TAFA4: variants seen among roughly 807,000 people sequenced by gnomAD.
The protein encoded by TAFA4 is TAFA chemokine like family member 4, also known as chemokine-like protein TAFA-4.
Under a neutral mutation model 21.1 loss-of-function variants are expected in TAFA4, and 20 were observed. The ratio of observed to expected loss-of-function variants is 0.95; its 90% CI spans 0.67 to 1.38. The LOEUF is 1.38. TAFA4 is among the 40% of genes most tolerant of loss of function. The pLI, the probability that TAFA4 is intolerant of heterozygous loss-of-function variation, is 0.00. For synonymous variants in TAFA4, 71 were observed against 67.4 expected (o/e 1.05, Z -0.26); for missense variants, 211 against 180.9 (o/e 1.17, Z -0.95).
In TAFA4 at chr3:68,816,697, A is replaced by T. The variant is rs538348706; in HGVS notation, c.131-63679T>A. On this transcript the variant is annotated intron_variant, in intron 3 of 5. Coordinates refer to ENST00000295569, the MANE Select transcript of TAFA4 (RefSeq NM_182522.5). ...TGACTTGGGTACCTTTTACAGGCGT[A>T]TCTCTGAGATATTGCAAGTTCAGTT... 1.4e-4 allele frequency among the ~76,000 whole-genome samples: 21 copies of T among 152,298 alleles called. No homozygotes were observed. In the East Asian group the frequency reaches 4.1e-3, roughly 29 times the overall value.
intron 3 of TAFA4, among the ~76,000 whole-genome samples, chr3:68,830,144 G>A (rs1388348044): frequency 1.3e-5 from 2 of 151,916 alleles, no homozygotes; most frequent in Non-Finnish European, 2.9e-5. Flanking sequence ...ACCAGCTCCT[G>A]GATTCATTGA....
intron 3 of TAFA4, among the ~76,000 whole-genome samples, chr3:68,807,124 C>A (rs7621862): frequency 0.2 from 30,949 of 152,174 alleles, 4,024 homozygotes; most frequent in East Asian, 0.61. Context: ...TTTGCCTCAG[C>A]TGATCGGTCT....
At chr3:68,796,012 C>T (rs1380498953) in intron 3 of TAFA4, among the ~76,000 whole-genome samples, 1 of 152,064 alleles carries the variant, frequency 6.6e-6, no homozygotes, top group African/African-American at 2.4e-5. Context: ...CTCTGGATTA[C>T]CAAGCAGAGA....
At chr3:68,817,485 G>T (rs867127174) in intron 3 of TAFA4, among the ~76,000 whole-genome samples, 10 of 152,034 alleles carry the variant, frequency 6.6e-5, no homozygotes, top group Admixed American at 1.3e-4. Context: ...TGTTCTTAGT[G>T]GTATCTAGAA....
chr3:68,739,874 G>A (rs1362292515), intron 4 of TAFA4, among the ~76,000 whole-genome samples: 2 of 152,208 alleles, frequency 1.3e-5, no homozygotes, highest in African/African-American at 4.8e-5. Context: ...AGACTTGGAA[G>A]GGTGGGAAGG....
chr3:68,868,826 T>A (rs6549155), intron 3 of TAFA4, among the ~76,000 whole-genome samples: 2 of 151,902 alleles, frequency 1.3e-5, no homozygotes, highest in Admixed American at 6.6e-5. Context: ...TACATCTCAG[T>A]AAACTAGAAG....
intron 1 of TAFA4, among the ~76,000 whole-genome samples, chr3:68,896,448 C>G (rs141276790): frequency 2.0e-5 from 3 of 152,066 alleles, no homozygotes; most frequent in Non-Finnish European, 2.9e-5. Context: ...AAAGTAGCAC[C>G]GAGCACACAA....
At chr3:68,784,072 C>CA (rs1226437516) in intron 3 of TAFA4, among the ~76,000 whole-genome samples, 1 of 152,186 alleles carries the variant, frequency 6.6e-6, no homozygotes, top group Admixed American at 6.5e-5. Context: ...CAAAGGGTCA[C>CA]ACGTTAACAG....
rs578243391 is a variant in TAFA4, at chr3:68,840,079, A to G, written c.130+40651T>C. 5.9e-5 allele frequency among the ~76,000 whole-genome samples: 9 copies of G among 152,292 alleles called. No homozygotes were observed. In the East Asian group the frequency reaches 1.5e-3, roughly 26 times the overall value. Reference sequence around the variant, plus strand: ...TCCAAAGAGATGCCTTTGTTCCCTCAGGCTAAAGTCACCAGAAAAGATGGA... The same window carrying G: ...TCCAAAGAGATGCCTTTGTTCCCTCGGGCTAAAGTCACCAGAAAAGATGGA... On this transcript the variant is annotated intron_variant, in intron 3 of 5. Transcript: ENST00000295569.
intron 3 of TAFA4, among the ~76,000 whole-genome samples, chr3:68,760,374 A>C (rs1702738495): frequency 6.6e-6 from 1 of 152,216 alleles, no homozygotes; most frequent in Admixed American, 6.5e-5. Flanking sequence ...ATACAAAACC[A>C]CATCTGCAAT....
intron 4 of TAFA4, among the ~76,000 whole-genome samples, chr3:68,744,182 T>A (rs1675845489): frequency 6.6e-6 from 1 of 152,146 alleles, no homozygotes; most frequent in Admixed American, 6.5e-5. Context: ...CATGAAAGAT[T>A]CAAAAGCAGT....
chr3:68,826,387 C>T (rs2106870979), intron 3 of TAFA4, among the ~76,000 whole-genome samples: 1 of 152,210 alleles, frequency 6.6e-6, no homozygotes, highest in East Asian at 1.9e-4. Flanking sequence ...TCCTGGCTAA[C>T]ACGGTGAAAT....
chr3:68,842,118 C>T (rs1329885653), intron 3 of TAFA4, among the ~76,000 whole-genome samples: 1 of 152,162 alleles, frequency 6.6e-6, no homozygotes, highest in Non-Finnish European at 1.5e-5. Context: ...TGAGGAATTG[C>T]CACACTGTCT....
intron 3 of TAFA4, among the ~76,000 whole-genome samples, chr3:68,790,196 C>G (rs935631290): frequency 1.3e-5 from 2 of 151,584 alleles, no homozygotes; most frequent in Non-Finnish European, 2.9e-5. Flanking sequence ...CTACGTTTTG[C>G]TAAGTGTCAA....
At chr3:68,755,696 C>G (rs936820836) in intron 3 of TAFA4, among the ~76,000 whole-genome samples, 6 of 152,184 alleles carry the variant, frequency 3.9e-5, no homozygotes, top group African/African-American at 1.4e-4. Flanking sequence ...CAGGGGAAAC[C>G]CTGGCATGAG....
In TAFA4 at chr3:68,885,280, C is replaced by A; in HGVS notation, c.-92G>T. The A allele has an allele frequency of 3.1e-6, 4 of 1,289,654 alleles. No homozygotes were observed. Among genetic ancestry groups the A allele is most frequent in the South Asian group, 1.4e-5 (1 of 72,002 alleles). 79.9% of individuals were successfully genotyped at this position (1,289,654 alleles called of 1,614,324 possible). A position where few individuals can be genotyped will look rare whatever the true frequency, so the allele number is the denominator to read the frequency against. ...TGTTGCTAGAACCAATCATTTCTGC[C>A]GTTCCAAAAAATTATCGTAGCTCAG... On this transcript the variant is annotated 5_prime_UTR_variant, in exon 2 of 6. Coordinates refer to ENST00000295569, the MANE Select transcript of TAFA4 (RefSeq NM_182522.5).
intron 3 of TAFA4, among the ~76,000 whole-genome samples, chr3:68,773,984 C>G (rs1703004917): frequency 6.6e-6 from 1 of 152,174 alleles, no homozygotes; most frequent in African/African-American, 2.4e-5. Flanking sequence ...CATTCAGAAA[C>G]AAAGCCTCTG....
At chr3:68,799,219 G>A (rs1703520254) in intron 3 of TAFA4, among the ~76,000 whole-genome samples, 1 of 152,124 alleles carries the variant, frequency 6.6e-6, no homozygotes, top group Non-Finnish European at 1.5e-5. Flanking sequence ...AATTTGAGTG[G>A]CTTATAAACA....
rs554075918 is a variant in TAFA4, at chr3:68,878,551, CA to C, written c.130+2178del. Among the ~76,000 whole-genome samples the C allele has an allele frequency of 2.3e-3, 346 of 148,700 alleles. 4 individuals carry two copies. The highest frequency in any genetic ancestry group is 7.9e-3 in the African/African-American group (321 of 40,566). On this transcript the variant is annotated intron_variant, in intron 3 of 5. Transcript: ENST00000295569. ...GGGGAAATAAGGCACTGCTTACAGCCAAAAAAAAAGGAACAAAAGGACAAAT... is the reference window on the plus strand; with the variant it reads ...GGGGAAATAAGGCACTGCTTACAGCCAAAAAAAAGGAACAAAAGGACAAAT...
Sources: allele counts gnomAD v4.1 joint callset (sites outside exome capture counted in the v4.1 genomes callset), GRCh38; gene constraint gnomAD v4.1.1; transcripts MANE v1.5; gene names NCBI Gene and HGNC (gene_info 2026-07-23, HGNC 2026-07-21).